PREX1: variants seen among roughly 807,000 people sequenced by gnomAD.
PREX1 encodes phosphatidylinositol 3,4,5-trisphosphate-dependent Rac exchanger 1 protein.
PREX1 carries 41 observed loss-of-function variants against 198.3 expected under a neutral mutation model. The observed-to-expected ratio is 0.21, with a 90% confidence interval of 0.16 to 0.27. The LOEUF is 0.27. PREX1 is among the 10% of genes least tolerant of loss of function. The probability of loss-of-function intolerance (pLI) is 1.00; values close to 1 mark genes in which losing one functional copy is unlikely to be tolerated. For missense variants in PREX1, 1,620 were observed against 2,200.7 expected (o/e 0.74, Z 5.28); for synonymous variants, 843 against 887.2 (o/e 0.95, Z 0.89).
At chr20:48,667,459 TAA>T (rs2089647712) in intron 14 of PREX1, among the ~76,000 whole-genome samples, 1 of 152,050 alleles carries the variant, frequency 6.6e-6, no homozygotes, top group South Asian at 2.1e-4. Context: ...CTGCCTGGGA[TAA>T]AGTCATGTGA....
chr20:48,668,249 G>A (rs566607218), intron 14 of PREX1, among the ~76,000 whole-genome samples: 14 of 152,270 alleles, frequency 9.2e-5, no homozygotes, highest in African/African-American at 1.7e-4. Context: ...AGCTTGGAGC[G>A]CAGAGGAACC....
chr20:48,853,305 G>A, the PREX1 span, among the ~76,000 whole-genome samples: 1 of 152,082 alleles, frequency 6.6e-6, no homozygotes, highest in African/African-American at 2.4e-5. Context: ...CCCAAGACTG[G>A]GTAATTTATA....
intron 6 of PREX1, among the ~76,000 whole-genome samples, chr20:48,706,669 G>A (rs2089904428): frequency 6.6e-6 from 1 of 152,218 alleles, no homozygotes; most frequent in South Asian, 2.1e-4. Context: ...GCTCACCAGA[G>A]ACCAAATCAG....
intron 1 of PREX1, among the ~76,000 whole-genome samples, chr20:48,781,134 G>C (rs1025391886): frequency 1.3e-5 from 2 of 152,170 alleles, no homozygotes; most frequent in African/African-American, 4.8e-5. Flanking sequence ...AAGGGGCCAT[G>C]CTATCTAAAT....
chr20:48,718,305 T>C (rs960212950), intron 5 of PREX1, among the ~76,000 whole-genome samples: 5 of 152,034 alleles, frequency 3.3e-5, no homozygotes, highest in African/African-American at 7.2e-5. Flanking sequence ...AAGGGTAAAA[T>C]GGTGAGAGAT....
At chr20:48,726,474 C>G (rs1404674322) in intron 4 of PREX1, 83 bp from the exon 5 acceptor site, 4 of 950,524 alleles carry the variant, frequency 4.2e-6, no homozygotes, top group African/African-American at 1.6e-5. Flanking sequence ...GAAACGCTCT[C>G]AGAGCACAGC....
the PREX1 span, among the ~76,000 whole-genome samples, chr20:48,865,463 G>C: frequency 6.6e-6 from 1 of 152,150 alleles, no homozygotes; most frequent in African/African-American, 2.4e-5. Flanking sequence ...TATTGCAATT[G>C]AGCCCTCTTC....
intron 1 of PREX1, among the ~76,000 whole-genome samples, chr20:48,804,173 G>A (rs1052336151): frequency 1.6e-4 from 25 of 152,214 alleles, no homozygotes; most frequent in Non-Finnish European, 3.5e-4. Context: ...CTTTCACTCT[G>A]CAAATATCTA....
chr20:48,771,825 C>T (rs958538794), intron 1 of PREX1, among the ~76,000 whole-genome samples: 2 of 152,174 alleles, frequency 1.3e-5, no homozygotes, highest in Non-Finnish European at 2.9e-5. Flanking sequence ...TGTGATGCCA[C>T]GCACTAGCAT....
chr20:48,742,512 T>C (rs940687531), intron 3 of PREX1, among the ~76,000 whole-genome samples: 3 of 152,066 alleles, frequency 2.0e-5, no homozygotes, highest in Admixed American at 2.0e-4. Context: ...CTAAAATGCT[T>C]GATCTCCCAG....
intron 36 of PREX1, 101 bp from the exon 37 acceptor site, chr20:48,629,722 C>G: frequency 7.6e-7 from 1 of 1,320,594 alleles, no homozygotes; most frequent in African/African-American, 1.4e-5. Context: ...TCTAATCCAG[C>G]TGTTCCTGCA....
chr20:48,712,606 C>T (rs954970805), intron 5 of PREX1, among the ~76,000 whole-genome samples: 5 of 152,218 alleles, frequency 3.3e-5, no homozygotes, highest in Non-Finnish European at 7.3e-5. Context: ...ATCTGTCCGC[C>T]TCTATCTCTA....
chr20:48,630,451 G>A lies in PREX1; in HGVS notation c.4593+277C>T, dbSNP rs189228764. Among the ~76,000 whole-genome samples, 322 of 152,392 alleles carry A rather than the reference G, an allele frequency of 2.1e-3. 2 individuals are homozygous for A. The highest frequency in any genetic ancestry group is 7.4e-3 in the African/African-American group (308 of 41,602). ...ACCATACAGGTTACATCTGTCATGA[G>A]GTCCAGGCTCCAGCCTCAGAGAAAT... On this transcript the variant is annotated intron_variant, in intron 36 of 39. Coordinates refer to ENST00000371941, the MANE Select transcript of PREX1 (RefSeq NM_020820.4).
chr20:48,809,679 T>G lies in PREX1; in HGVS notation c.219+17963A>C, dbSNP rs778684941. Among the ~76,000 whole-genome samples, 3 of 152,124 alleles carry G rather than the reference T, an allele frequency of 2.0e-5. No individual in the cohort carries two copies. In the East Asian group the frequency reaches 5.8e-4, roughly 29 times the overall value. On this transcript the variant is annotated intron_variant, in intron 1 of 39. Transcript: ENST00000371941. ...ACGAGGCCAGGGGAGAGGCCACCAA[T>G]AGGCTGCCCAAGAGCAGGAAGACAC... is the stretch of plus-strand genomic sequence containing the variant.
chr20:48,734,802 C>T, intron 3 of PREX1, 152 bp from the exon 4 acceptor site: 1 of 610,938 alleles, frequency 1.6e-6, no homozygotes, highest in Non-Finnish European at 2.9e-6. Context: ...AAAGCGGCTC[C>T]ACTCACTACC....
chr20:48,688,826 A>T (rs1264235253), intron 9 of PREX1, 22 bp from the exon 10 acceptor site: 23 of 1,613,644 alleles, frequency 1.4e-5, no homozygotes, highest in Non-Finnish European at 1.9e-5. Context: ...CACGGTCAGC[A>T]CTGGAGAGAG....
chr20:48,762,701 CTT>C (rs397816054), intron 1 of PREX1, among the ~76,000 whole-genome samples: 18 of 128,066 alleles, frequency 1.4e-4, no homozygotes, highest in Non-Finnish European at 1.6e-4. Context: ...TATGAAGTTT[CTT>C]TTTTTTTTTT....
chr20:48,887,627 TAAATAAAC>T, the PREX1 span, among the ~76,000 whole-genome samples: 1 of 148,996 alleles, frequency 6.7e-6, no homozygotes, highest in Non-Finnish European at 1.5e-5. Flanking sequence ...CTCAAAATAA[TAAATAAAC>T]AAATAAATAA....
intron 5 of PREX1, among the ~76,000 whole-genome samples, chr20:48,724,956 C>G (rs553639682): frequency 6.6e-6 from 1 of 152,228 alleles, no homozygotes; most frequent in Non-Finnish European, 1.5e-5. Context: ...AAGTTCCTTT[C>G]GAGATTGCTG....
Sources: gnomAD v4.1 joint callset for allele counts (sites outside exome capture counted in the v4.1 genomes callset) on GRCh38, gnomAD v4.1.1 for gene constraint, MANE v1.5 for transcripts, NCBI Gene and HGNC (gene_info 2026-07-23, HGNC 2026-07-21) for gene names.